The following CCDC3 variants were observed in gnomAD, a reference collection of about 807,000 sequenced individuals.
CCDC3 encodes the protein coiled-coil domain-containing protein 3.
In CCDC3, 24 loss-of-function variants were observed where a neutral mutation model predicts 21.4. The ratio of observed to expected loss-of-function variants is 1.12; its 90% CI spans 0.81 to 1.58. CCDC3 has a LOEUF of 1.58. Ranked by LOEUF, CCDC3 falls within the 40% of genes most tolerant of loss-of-function variation. The pLI, the probability that CCDC3 is intolerant of heterozygous loss-of-function variation, is 0.00. For synonymous variants in CCDC3, 186 were observed against 166.0 expected (o/e 1.12, Z -0.93); for missense variants, 425 against 360.9 (o/e 1.18, Z -1.44).
At chr10:13,088,220 T>G (rs1167044880) in intron 3 of CCDC3, among the ~76,000 whole-genome samples, 1 of 152,194 alleles carries the variant, frequency 6.6e-6, no homozygotes, top group East Asian at 1.9e-4. Context: ...TGAGTCATTG[T>G]AAAAGTAGTG....
At chr10:12,920,530 T>C (rs149503629) in intron 2 of CCDC3, among the ~76,000 whole-genome samples, 1 of 152,336 alleles carries the variant, frequency 6.6e-6, no homozygotes, top group Non-Finnish European at 1.5e-5. Context: ...CACTTCATTC[T>C]GGTGAGGGAG....
intron 2 of CCDC3, among the ~76,000 whole-genome samples, chr10:12,899,319 T>C (rs1365600281): frequency 1.3e-5 from 2 of 152,138 alleles, no homozygotes; most frequent in Non-Finnish European, 1.5e-5. Context: ...TTTTCACATA[T>C]TAGATTGGCA....
intron 2 of CCDC3, among the ~76,000 whole-genome samples, chr10:12,968,208 C>T (rs183779976): frequency 0.02 from 2,807 of 142,748 alleles, 76 homozygotes; most frequent in African/African-American, 0.078. Context: ...CACATACACA[C>T]ACACACACAC....
chr10:12,904,400 T>TG (rs1266757911), intron 2 of CCDC3, among the ~76,000 whole-genome samples: 1 of 137,216 alleles, frequency 7.3e-6, no homozygotes, highest in Non-Finnish European at 1.5e-5. Flanking sequence ...GCCTGGGAGG[T>TG]GGAGGCTGCT....
intron 2 of CCDC3, among the ~76,000 whole-genome samples, chr10:12,991,548 G>C (rs1420262761): frequency 6.6e-6 from 1 of 152,010 alleles, no homozygotes; most frequent in Non-Finnish European, 1.5e-5. Context: ...TGGCGAGGCT[G>C]GTCTCAAACT....
chr10:12,951,344 A>G (rs1289447124), intron 2 of CCDC3, among the ~76,000 whole-genome samples: 1 of 152,104 alleles, frequency 6.6e-6, no homozygotes, highest in African/African-American at 2.4e-5. Context: ...TGACAAAGTG[A>G]GACTGTCTCA....
intron 2 of CCDC3, among the ~76,000 whole-genome samples, chr10:12,940,935 T>A (rs181677227): frequency 6.8e-6 from 1 of 147,532 alleles, no homozygotes; most frequent in African/African-American, 2.6e-5. Flanking sequence ...GAATTGCTGA[T>A]CTTTGCACTT....
At chr10:13,016,252 C>G (rs1180344223) in intron 5 of CCDC3, among the ~76,000 whole-genome samples, 2 of 151,388 alleles carry the variant, frequency 1.3e-5, no homozygotes, top group Non-Finnish European at 3.0e-5. Flanking sequence ...AAATAAAAAC[C>G]CCAGCACCCA....
intron 5 of CCDC3, among the ~76,000 whole-genome samples, chr10:13,017,763 A>T (rs72777463): frequency 6.6e-6 from 1 of 152,122 alleles, no homozygotes; most frequent in African/African-American, 2.4e-5. Flanking sequence ...GGCCACAGCA[A>T]TGAATGAAAC....
At chr10:12,900,380 T>A (rs776101734) in intron 2 of CCDC3, among the ~76,000 whole-genome samples, 2 of 151,820 alleles carry the variant, frequency 1.3e-5, no homozygotes, top group African/African-American at 4.8e-5. Context: ...TGCTTAGAAA[T>A]CTCCATCATT....
At chr10:13,043,423 C>T (rs111445259) in intron 5 of CCDC3, among the ~76,000 whole-genome samples, 2,084 of 151,992 alleles carry the variant, frequency 0.014, 55 homozygotes, top group African/African-American at 0.048. Context: ...TGAAAACCTG[C>T]TTCTACTAAA....
intron 2 of CCDC3, among the ~76,000 whole-genome samples, chr10:12,964,995 G>A (rs1835240724): frequency 6.6e-6 from 1 of 152,108 alleles, no homozygotes; most frequent in Non-Finnish European, 1.5e-5. Context: ...CCTCCAAAAG[G>A]AGCTCAGTTG....
chr10:13,027,895 G>A (rs1421020843), intron 5 of CCDC3, among the ~76,000 whole-genome samples: 3 of 152,136 alleles, frequency 2.0e-5, no homozygotes, highest in Non-Finnish European at 4.4e-5. Flanking sequence ...CATGGAAAAT[G>A]TCTGACCCAG....
At chr10:12,963,745 G>A (rs764834633) in intron 2 of CCDC3, among the ~76,000 whole-genome samples, 12 of 151,544 alleles carry the variant, frequency 7.9e-5, no homozygotes, top group African/African-American at 2.2e-4. Context: ...CATGCCCAGC[G>A]AATTTTTTGT....
intron 2 of CCDC3, among the ~76,000 whole-genome samples, chr10:12,900,527 A>C (rs1368208492): frequency 6.8e-6 from 1 of 145,988 alleles, no homozygotes; most frequent in Non-Finnish European, 1.5e-5. Flanking sequence ...AAATACAAAA[A>C]AAAAAAAAAA....
At chr10:12,928,370 T>C (rs1407677198) in intron 2 of CCDC3, among the ~76,000 whole-genome samples, 2 of 152,158 alleles carry the variant, frequency 1.3e-5, no homozygotes, top group African/African-American at 2.4e-5. Flanking sequence ...AAGCATGAGA[T>C]GATTTCTTTT....
intron 5 of CCDC3, among the ~76,000 whole-genome samples, chr10:13,023,682 T>C (rs1012232188): frequency 6.6e-6 from 1 of 152,170 alleles, no homozygotes; most frequent in African/African-American, 2.4e-5. Flanking sequence ...CTCTCTGGTC[T>C]CTAATGGGCC....
chr10:12,925,668 T>C (rs74597981), intron 2 of CCDC3, among the ~76,000 whole-genome samples: 8,490 of 152,346 alleles, frequency 0.056, 255 homozygotes, highest in Non-Finnish European at 0.071. Flanking sequence ...ACTCTTCTCT[T>C]CTTTTCCAAG....
At chr10:12,984,538 C>A (rs1326792122) in intron 2 of CCDC3, among the ~76,000 whole-genome samples, 1 of 152,168 alleles carries the variant, frequency 6.6e-6, no homozygotes, top group Non-Finnish European at 1.5e-5. Context: ...TCTGACCCAG[C>A]AATTCCGCTC....
Sources: gnomAD v4.1 joint callset for allele counts (sites outside exome capture counted in the v4.1 genomes callset) on GRCh38, gnomAD v4.1.1 for gene constraint, MANE v1.5 for transcripts, NCBI Gene and HGNC (gene_info 2026-07-23, HGNC 2026-07-21) for gene names.